The following ALK variants were observed in gnomAD, a reference collection of about 807,000 sequenced individuals.
ALK encodes the protein ALK receptor tyrosine kinase, also known as ALK tyrosine kinase receptor.
A neutral mutation model predicts 163.1 loss-of-function variants in ALK; 74 were observed. The ratio of observed to expected loss-of-function variants is 0.45; its 90% CI spans 0.38 to 0.55. ALK has a LOEUF of 0.55. Among genes scored for constraint, ALK ranks in the 20% least tolerant of loss-of-function variants. The pLI is 0.00. For missense variants in ALK, 2,063 were observed against 2,105.3 expected, an observed-to-expected ratio of 0.98 and a Z score of 0.39; for synonymous variants, 960 against 843.2, an observed-to-expected ratio of 1.14 and a Z score of -2.40.
intron 3 of ALK, among the ~76,000 whole-genome samples, chr2:29,604,163 G>GTTTTTTTTTTT (rs34399929): frequency 7.2e-6 from 1 of 138,168 alleles, no homozygotes; most frequent in Non-Finnish European, 1.6e-5. Flanking sequence ...GAATAGAGAA[G>GTTTTTTTTTTT]TTTTTTTTTT....
intron 1 of ALK, among the ~76,000 whole-genome samples, chr2:29,759,432 C>A (rs1680638782): frequency 6.6e-6 from 1 of 152,158 alleles, no homozygotes; most frequent in African/African-American, 2.4e-5. Context: ...TGTGTGTGTG[C>A]ATGTGTGCGT....
chr2:29,468,677 T>C lies in ALK; in HGVS notation c.1154+63238A>G, dbSNP rs371696501. ...CAGACTGGCCAAAATAGTGAGACCC[T>C]TTCTCTACAAAAAATTTGAAAAAAA... On this transcript the variant is annotated intron_variant, in intron 4 of 28. Coordinates refer to ENST00000389048, the MANE Select transcript of ALK (RefSeq NM_004304.5). Among the ~76,000 whole-genome samples, 27 of 151,440 alleles carry C rather than the reference T, an allele frequency of 1.8e-4. 1 individual carries two copies. In the East Asian group the frequency reaches 4.5e-3, roughly 25 times the overall value.
chr2:29,530,004 A>G (rs1673076094), intron 4 of ALK, among the ~76,000 whole-genome samples: 1 of 151,290 alleles, frequency 6.6e-6, no homozygotes, highest in Non-Finnish European at 1.5e-5. Flanking sequence ...GAAGGCACTG[A>G]CATGGCAAGT....
At chr2:29,516,043 A>AC (rs368641827) in intron 4 of ALK, among the ~76,000 whole-genome samples, 179 of 152,320 alleles carry the variant, frequency 1.2e-3, no homozygotes, top group African/African-American at 4.0e-3. Context: ...GAGGGCTCTG[A>AC]CAGTGACAGT....
chr2:29,201,845 C>T (rs1326251535), intron 26 of ALK, among the ~76,000 whole-genome samples: 1 of 151,898 alleles, frequency 6.6e-6, no homozygotes, highest in African/African-American at 2.4e-5. Flanking sequence ...ACCACCAAGC[C>T]ACATCGCTCT....
chr2:29,198,700 TG>T (rs1297675954), intron 26 of ALK, among the ~76,000 whole-genome samples: 1 of 152,214 alleles, frequency 6.6e-6, no homozygotes, highest in Non-Finnish European at 1.5e-5. Flanking sequence ...TTAATAATAA[TG>T]ACAACTTTTG....
intron 1 of ALK, among the ~76,000 whole-genome samples, chr2:29,783,523 C>T (rs1663901533): frequency 6.6e-6 from 1 of 152,100 alleles, no homozygotes; most frequent in African/African-American, 2.4e-5. Context: ...CACAACTGCC[C>T]ATTCATGATG....
intron 1 of ALK, among the ~76,000 whole-genome samples, chr2:29,852,500 A>C (rs1440453453): frequency 5.9e-5 from 9 of 152,204 alleles, no homozygotes; most frequent in Admixed American, 5.9e-4. Context: ...GCCATGAGAC[A>C]GATCTCTCAA....
At chr2:29,553,994 T>G (rs1171833964) in intron 3 of ALK, among the ~76,000 whole-genome samples, 2 of 152,238 alleles carry the variant, frequency 1.3e-5, no homozygotes. Context: ...TTATTCCATG[T>G]GTCCTTTGCC....
rs748391050 is a variant in ALK at position 29,717,189 on chromosome 2, A to AAAG, written c.787+388_787+389insCTT. ...TCTGTCTCAAAAAAAAAAAAAAAAAAAGAGAGAGAGAGAGATTGTGATTGC... is the reference window on the plus strand; with the variant it reads ...TCTGTCTCAAAAAAAAAAAAAAAAAAAAGAGAGAGAGAGAGAGATTGTGATTGC... On this transcript the variant is annotated intron_variant, in intron 2 of 28. Coordinates refer to ENST00000389048, the MANE Select transcript of ALK (RefSeq NM_004304.5). Among the ~76,000 whole-genome samples the AAAG allele has an allele frequency of 8.0e-4, 114 of 142,824 alleles. 3 individuals are homozygous for AAAG. Among genetic ancestry groups the AAAG allele is most frequent in the African/African-American group, 2.2e-3 (77 of 35,500 alleles). The allele number at this position is 142,824 out of a possible 152,430, so 93.7% of individuals were successfully genotyped here. A position where few individuals can be genotyped will look rare whatever the true frequency, so the allele number is the denominator to read the frequency against.
intron 23 of ALK, among the ~76,000 whole-genome samples, chr2:29,218,557 G>GGAGA (rs1479298526): frequency 2.0e-5 from 3 of 152,100 alleles, no homozygotes; most frequent in Non-Finnish European, 4.4e-5. Context: ...TTTGAGAGAG[G>GGAGA]GAGAGAGAAA....
intron 23 of ALK, among the ~76,000 whole-genome samples, chr2:29,219,510 G>A (rs549432644): frequency 3.9e-5 from 6 of 152,250 alleles, no homozygotes; most frequent in African/African-American, 1.2e-4. Context: ...GAGGGTGGCC[G>A]CTGCTTTTAC....
In ALK at chr2:29,726,034, C is replaced by G. The variant is rs73921498; in HGVS notation, c.668-8337G>C. ...CAGGTGTGCTTGGTCACTGGCCCTACCTAACTGGCCAAGGTGGACTCACAC... is the reference window on the plus strand; with the variant it reads ...CAGGTGTGCTTGGTCACTGGCCCTAGCTAACTGGCCAAGGTGGACTCACAC... On this transcript the variant is annotated intron_variant, in intron 1 of 28. Coordinates refer to ENST00000389048, the MANE Select transcript of ALK (RefSeq NM_004304.5). 3.8e-3 allele frequency among the ~76,000 whole-genome samples: 573 copies of G among 152,238 alleles called. 3 individuals are homozygous for G. Among genetic ancestry groups the G allele is most frequent in the African/African-American group, 0.013 (545 of 41,508 alleles).
chr2:29,881,060 G>A (rs938812029), intron 1 of ALK, among the ~76,000 whole-genome samples: 16 of 152,186 alleles, frequency 1.1e-4, no homozygotes, highest in Admixed American at 9.2e-4. Context: ...CCAACAGAAC[G>A]TAGGTCCGTC....
At chr2:29,643,789 C>T (rs1417231186) in intron 3 of ALK, among the ~76,000 whole-genome samples, 2 of 152,126 alleles carry the variant, frequency 1.3e-5, no homozygotes, top group African/African-American at 4.8e-5. Context: ...AACACTTTTA[C>T]ACTGTTGGTG....
intron 1 of ALK, among the ~76,000 whole-genome samples, chr2:29,758,851 T>C (rs922338164): frequency 6.6e-6 from 1 of 152,102 alleles, no homozygotes; most frequent in Non-Finnish European, 1.5e-5. Flanking sequence ...CCTGTTCTCC[T>C]TTCATTCTCA....
intron 1 of ALK, among the ~76,000 whole-genome samples, chr2:29,838,904 T>C (rs1372754541): frequency 6.6e-6 from 1 of 152,212 alleles, no homozygotes; most frequent in East Asian, 1.9e-4. Flanking sequence ...GTTTTCATGG[T>C]ATATAAATTA....
At chr2:29,797,195 TG>T (rs1224858134) in intron 1 of ALK, among the ~76,000 whole-genome samples, 5 of 152,338 alleles carry the variant, frequency 3.3e-5, no homozygotes, top group African/African-American at 1.2e-4. Context: ...AGCAGCTCTC[TG>T]CTCATAACTT....
chr2:29,469,263 G>A (rs1477985159), intron 4 of ALK, among the ~76,000 whole-genome samples: 1 of 152,156 alleles, frequency 6.6e-6, no homozygotes, highest in African/African-American at 2.4e-5. Context: ...GTCAATGTAA[G>A]GAATTAGCCA....
Sources: gnomAD v4.1 joint callset for allele counts (sites outside exome capture counted in the v4.1 genomes callset) on GRCh38, gnomAD v4.1.1 for gene constraint, MANE v1.5 for transcripts, NCBI Gene and HGNC (gene_info 2026-07-23, HGNC 2026-07-21) for gene names.